Variants in NEK3 observed in about 807,000 individuals in gnomAD.
NEK3 encodes the protein NIMA related kinase 3.
NEK3 carries 54 observed loss-of-function variants against 66.0 expected under a neutral mutation model. The observed-to-expected ratio is 0.82, with a 90% confidence interval of 0.66 to 1.03. The LOEUF is 1.03. Among genes scored for constraint, NEK3 ranks in the 50% least tolerant of loss-of-function variants. The pLI is 0.00. For missense variants in NEK3, 593 were observed against 603.0 expected (o/e 0.98, Z 0.17); for synonymous variants, 200 against 206.2 (o/e 0.97, Z 0.26).
intron 7 of NEK3, among the ~76,000 whole-genome samples, chr13:52,150,686 C>G (rs1044101080): frequency 2.0e-5 from 3 of 146,948 alleles, no homozygotes; most frequent in African/African-American, 4.9e-5. Flanking sequence ...CCTATAAATA[C>G]CAACTCAATG....
intron 15 of NEK3, 43 bp downstream of exon 15, chr13:52,133,646 C>CACACACCCCCAA (rs56222741): frequency 1.8e-5 from 27 of 1,538,512 alleles, no homozygotes; most frequent in East Asian, 2.5e-5. Flanking sequence ...CACACACACA[C>CACACACCCCCAA]CCCCAACCCC....
intron 15 of NEK3, 27 bp downstream of exon 15, chr13:52,133,662 C>T (rs373902669): frequency 9.7e-6 from 15 of 1,549,350 alleles, no homozygotes; most frequent in African/African-American, 5.5e-5. Flanking sequence ...ACCCCAGCTA[C>T]AGCTTTCTAT....
In NEK3 at chr13:52,135,802, A is replaced by T. The variant is rs2296351; in HGVS notation, c.1236T>A (p.Pro412=). 12 of 1,613,376 alleles carry T rather than the reference A, an allele frequency of 7.4e-6. No homozygotes were observed. The Admixed American group carries it at 8.3e-5, about 11-fold the overall frequency. ...TCTTAAGGATGTTCAACAAAGTGTC[A>T]GGGGTCTCTTTGAGCCACTGCTTAC... ...TTRKQWLKET[P]DTLLNILKNA... The change falls in exon 14 of 16, where the codon CCT becomes CCA. Residue 412 remains proline, a synonymous_variant. Coordinates refer to ENST00000610828, the MANE Select transcript of NEK3 (RefSeq NM_002498.3).
chr13:52,144,613 T>C (rs1420828347), intron 9 of NEK3, 78 bp downstream of exon 9: 5 of 1,121,828 alleles, frequency 4.5e-6, no homozygotes, highest in African/African-American at 1.5e-5. Flanking sequence ...GCACATGTAA[T>C]GTATAATGTT....
At position 52,135,738 on chromosome 13, in the gene NEK3, A is replaced by G. The variant is rs1312514871; in HGVS notation, c.1300T>C (p.Tyr434His). 2.5e-6 allele frequency: 4 copies of G among 1,612,584 alleles called. No individual in the cohort carries two copies. The highest frequency in any genetic ancestry group is 1.7e-5 in the Admixed American group (1 of 59,800). ...LSLAFQTYTI[Y>H]RPGSEGFLKG... ...TACAGACATGAATTACCTGGTCTAT[A>G]TATTGTGTATGTTTGAAAAGCCAAG... The change falls in exon 14 of 16, where the codon TAT becomes CAT. Residue 434 changes from tyrosine (Y) to histidine (H), a missense_variant. Transcript: ENST00000610828.
chr13:52,135,511 C>T (rs779015560), intron 14 of NEK3, among the ~76,000 whole-genome samples: 3 of 152,052 alleles, frequency 2.0e-5, no homozygotes, highest in Admixed American at 6.5e-5. Context: ...GAAATCAAAG[C>T]GTTTCTGGGA....
At chr13:52,143,773 C>T (rs1250218287) in intron 10 of NEK3, 142 bp downstream of exon 10, 5 of 581,414 alleles carry the variant, frequency 8.6e-6, no homozygotes, top group Non-Finnish European at 1.5e-5. Context: ...AGAATTACAT[C>T]TAAAGTAACA....
At chr13:52,151,511 C>T (rs1274402429) in intron 5 of NEK3, 119 bp from the exon 6 acceptor site, 7 of 858,366 alleles carry the variant, frequency 8.2e-6, no homozygotes, top group Non-Finnish European at 9.2e-6. Context: ...ACAGCTGAGT[C>T]CCAGAGTGGA....
At chr13:52,134,374 TA>T (rs1956184688) in intron 14 of NEK3, among the ~76,000 whole-genome samples, 1 of 152,030 alleles carries the variant, frequency 6.6e-6, no homozygotes, top group South Asian at 2.1e-4. Flanking sequence ...AAAATTGCCA[TA>T]AAACCCTCCC....
At chr13:52,137,506 G>A (rs1219071429) in intron 11 of NEK3, among the ~76,000 whole-genome samples, 3 of 152,214 alleles carry the variant, frequency 2.0e-5, no homozygotes, top group Admixed American at 6.5e-5. Flanking sequence ...AATAAAGAAA[G>A]AGTAGGCTTG....
In NEK3 at chr13:52,141,015, C is replaced by G; in HGVS notation, c.927+5G>C. 1 of 1,589,282 alleles carries G rather than the reference C, an allele frequency of 6.3e-7. No homozygotes were observed. The highest frequency in any genetic ancestry group is 8.6e-7 in the Non-Finnish European group (1 of 1,167,418). On this transcript the variant is annotated splice_donor_5th_base_variant and intron_variant, in intron 11 of 15. Coordinates refer to ENST00000610828, the MANE Select transcript of NEK3 (RefSeq NM_002498.3). The stretch of plus-strand genomic sequence containing the variant: ...GCCTCATAAAAGTAATTTTAAAGCA[C>G]TTACCACTGTGCTTGCTTCATTTCC...
At chr13:52,139,863 C>T (rs1332543181) in intron 11 of NEK3, among the ~76,000 whole-genome samples, 1 of 151,942 alleles carries the variant, frequency 6.6e-6, no homozygotes, top group East Asian at 1.9e-4. Flanking sequence ...CACGCCACTG[C>T]ACTCCAGCCT....
rs1209776365 is a variant in NEK3 at position 52,133,614 on chromosome 13, A to ATC, written c.1436+73_1436+74dup. The ATC allele has an allele frequency of 1.1e-5, 7 of 647,536 alleles. No homozygotes were observed. The African/African-American group carries it at 1.1e-4, about 10-fold the overall frequency. The allele number at this position is 647,536 out of a possible 1,614,324, so 40.1% of individuals were successfully genotyped here. ...CTGAAATTATCATGGTCTAATTTAA[A>ATC]TCACACACACACACACACACACACA... is the stretch of plus-strand genomic sequence containing the variant. On this transcript the variant is annotated intron_variant, in intron 15 of 15. Coordinates refer to ENST00000610828, the MANE Select transcript of NEK3 (RefSeq NM_002498.3).
chr13:52,138,070 GA>G (rs776356093), intron 11 of NEK3, among the ~76,000 whole-genome samples: 2 of 152,210 alleles, frequency 1.3e-5, no homozygotes, highest in Non-Finnish European at 2.9e-5. Flanking sequence ...GCCCAGGCTG[GA>G]GTGCAGAGGT....
upstream of NEK3, chr13:52,159,601 G>A (rs1687059907): frequency 6.6e-6 from 1 of 152,306 alleles, no homozygotes; most frequent in Non-Finnish European, 1.5e-5. Context: ...CTTCCGCGGG[G>A]CGGGCCCGGC....
rs890824646 is a variant in NEK3, at chr13:52,143,981, T to C, written c.811A>G (p.Met271Val). 5 of 1,490,736 alleles carry C rather than the reference T, an allele frequency of 3.4e-6. No homozygotes were observed. Among genetic ancestry groups the C allele is most frequent in the Non-Finnish European group, 3.6e-6 (4 of 1,099,368 alleles). 92.3% of individuals were successfully genotyped at this position (1,490,736 alleles called of 1,614,324 possible). The change falls in exon 10 of 16, where the codon ATG becomes GTG. Residue 271 changes from methionine to valine, a missense_variant. Coordinates refer to ENST00000610828, the MANE Select transcript of NEK3 (RefSeq NM_002498.3). The stretch of plus-strand genomic sequence containing the variant: ...TCTAATACTTCCTCACCATATTCCA[T>C]GATGATCTGAAATTTAAAGTTGAGA... Reference protein sequence around the residue: ...VQKCLPPEIIMEYGEEVLEEI... With the variant: ...VQKCLPPEIIVEYGEEVLEEI...
chr13:52,156,013 C>T (rs1363134427), intron 2 of NEK3, 62 bp downstream of exon 2: 1 of 1,170,452 alleles, frequency 8.5e-7, no homozygotes, highest in Non-Finnish European at 1.2e-6. Flanking sequence ...TGGCCAAAAA[C>T]TTATTCTTTT....
chr13:52,141,733 C>A (rs1202931924), intron 10 of NEK3, among the ~76,000 whole-genome samples: 1 of 148,794 alleles, frequency 6.7e-6, no homozygotes, highest in Non-Finnish European at 1.5e-5. Context: ...CATATGGTCC[C>A]AGTCTGGTGG....
At chr13:52,152,914 T>C (rs1956359590) in intron 4 of NEK3, among the ~76,000 whole-genome samples, 1 of 152,178 alleles carries the variant, frequency 6.6e-6, no homozygotes, top group Non-Finnish European at 1.5e-5. Context: ...ATGATCCAAA[T>C]AGCAATTTAT....
Sources: gnomAD v4.1 joint callset for allele counts (sites outside exome capture counted in the v4.1 genomes callset) on GRCh38, gnomAD v4.1.1 for gene constraint, MANE v1.5 for transcripts, NCBI Gene and HGNC (gene_info 2026-07-23, HGNC 2026-07-21) for gene names.